Variants in TTLL5 observed in about 807,000 individuals in gnomAD.
TTLL5 encodes the protein tubulin tyrosine ligase like 5, also known as tubulin polyglutamylase TTLL5.
TTLL5 carries 132 observed loss-of-function variants against 168.4 expected under a neutral mutation model. The ratio of observed to expected loss-of-function variants is 0.78; its 90% CI spans 0.68 to 0.91. The LOEUF (loss-of-function observed/expected upper bound fraction) is 0.91, where lower values mean the gene tolerates loss of function less well. Among genes scored for constraint, TTLL5 ranks in the 40% least tolerant of loss-of-function variants. The probability of loss-of-function intolerance (pLI) is 0.00; values close to 1 mark genes in which losing one functional copy is unlikely to be tolerated. For missense variants in TTLL5, 1,545 were observed against 1,581.5 expected (o/e 0.98, Z 0.39); for synonymous variants, 546 against 558.6 (o/e 0.98, Z 0.32).
At chr14:75,915,416 C>T (rs1036874659) in intron 31 of TTLL5, among the ~76,000 whole-genome samples, 2 of 152,186 alleles carry the variant, frequency 1.3e-5, no homozygotes, top group Non-Finnish European at 2.9e-5. Flanking sequence ...CTTCACAGGG[C>T]CATGCAGCAT....
intron 30 of TTLL5, among the ~76,000 whole-genome samples, chr14:75,897,401 G>A (rs1423252339): frequency 6.6e-6 from 1 of 152,168 alleles, no homozygotes; most frequent in Admixed American, 6.5e-5. Context: ...TCTTATTATA[G>A]TTTTTAAGTG....
chr14:75,899,221 A>G (rs1309468361), intron 30 of TTLL5, among the ~76,000 whole-genome samples: 1 of 152,230 alleles, frequency 6.6e-6, no homozygotes, highest in Non-Finnish European at 1.5e-5. Flanking sequence ...GTTAAACCAT[A>G]GTAACTGACT....
chr14:75,873,049 C>A (rs952152714), intron 29 of TTLL5, among the ~76,000 whole-genome samples: 2 of 150,418 alleles, frequency 1.3e-5, no homozygotes, highest in Non-Finnish European at 2.9e-5. Flanking sequence ...TAACTATATG[C>A]ATACTGTACC....
At chr14:75,889,867 G>T (rs1185188877) in intron 30 of TTLL5, among the ~76,000 whole-genome samples, 39 of 145,096 alleles carry the variant, frequency 2.7e-4, no homozygotes, top group Non-Finnish European at 4.5e-4. Context: ...AAGGGAAGAA[G>T]CGAGGGAGGG....
At position 75,927,480 on chromosome 14, in the gene TTLL5, A is replaced by C. The variant is rs184619721; in HGVS notation, c.3823+25256A>C. On this transcript the variant is annotated intron_variant, in intron 31 of 31. Transcript: ENST00000298832. The stretch of plus-strand genomic sequence containing the variant: ...CTGAAAGAATCAATAGTTAATATTT[A>C]GAAAGTAAGAGGAAAAAAAAGCCCT... Among the ~76,000 whole-genome samples the C allele has an allele frequency of 5.6e-4, 85 of 152,362 alleles. 1 individual carries two copies. The highest frequency in any genetic ancestry group is 1.1e-3 in the Non-Finnish European group (78 of 68,040).
At chr14:75,736,007 T>C (rs935074123) in intron 15 of TTLL5, among the ~76,000 whole-genome samples, 43 of 152,260 alleles carry the variant, frequency 2.8e-4, no homozygotes, top group African/African-American at 9.9e-4. Flanking sequence ...CTGGTTTGAT[T>C]GCTTTGCCTG....
intron 7 of TTLL5, among the ~76,000 whole-genome samples, chr14:75,702,734 C>T (rs1886366707): frequency 6.6e-6 from 1 of 152,058 alleles, no homozygotes; most frequent in Admixed American, 6.6e-5. Flanking sequence ...TGGGCTGAAT[C>T]CTTTGAGACC....
chr14:75,732,261 A>T, intron 12 of TTLL5, 77 bp from the exon 13 acceptor site: 1 of 1,291,606 alleles, frequency 7.7e-7, no homozygotes, highest in Non-Finnish European at 1.1e-6. Context: ...GGAGTTAATG[A>T]GATTGAGTCT....
At chr14:75,758,386 G>A (rs1455572896) in intron 18 of TTLL5, among the ~76,000 whole-genome samples, 1 of 152,156 alleles carries the variant, frequency 6.6e-6, no homozygotes, top group African/African-American at 2.4e-5. Flanking sequence ...GATAAATCAA[G>A]TTTGTAGCTT....
intron 12 of TTLL5, among the ~76,000 whole-genome samples, chr14:75,729,685 G>C (rs1021824288): frequency 3.3e-5 from 5 of 152,150 alleles, no homozygotes; most frequent in African/African-American, 9.7e-5. Flanking sequence ...GTCCAAGCCT[G>C]GTATGTGTAC....
intron 12 of TTLL5, among the ~76,000 whole-genome samples, chr14:75,726,288 C>T (rs1888181862): frequency 6.6e-6 from 1 of 152,064 alleles, no homozygotes; most frequent in South Asian, 2.1e-4. Context: ...CTCTTATTTT[C>T]TTTATGATTG....
intron 12 of TTLL5, among the ~76,000 whole-genome samples, chr14:75,728,367 A>C (rs866582046): frequency 0.012 from 1,881 of 151,876 alleles, 25 homozygotes; most frequent in South Asian, 0.025. Flanking sequence ...AGAAAAAAAA[A>C]AAAAAAAGAG....
chr14:75,712,516 A>AG (rs1887156392), intron 9 of TTLL5: 1 of 150,002 alleles, frequency 6.7e-6, no homozygotes, highest in South Asian at 2.2e-4. Context: ...AAAAAAAAAA[A>AG]GAACATGTGG....
At chr14:75,842,430 G>A (rs777000894) in intron 28 of TTLL5, among the ~76,000 whole-genome samples, 12 of 152,196 alleles carry the variant, frequency 7.9e-5, no homozygotes, top group South Asian at 2.1e-4. Flanking sequence ...AGGGTTCTCC[G>A]TGGGCTCTTT....
At position 75,719,717 on chromosome 14, in the gene TTLL5, TTTA is replaced by T. The variant is rs1478882119; in HGVS notation, c.843-14_843-12del. On this transcript the variant is annotated splice_polypyrimidine_tract_variant and intron_variant, in intron 10 of 31. Transcript: ENST00000298832. Reference sequence around the variant, plus strand: ...AGCCTAGTTACATATGTGACTTTGATTTATTAATTTGTTTTAGTTGTGACGATC... The same window carrying T: ...AGCCTAGTTACATATGTGACTTTGATTTAATTTGTTTTAGTTGTGACGATC... 5.7e-6 allele frequency: 9 copies of T among 1,591,430 alleles called. No individual in the cohort carries two copies. The highest frequency in any genetic ancestry group is 2.7e-5 in the African/African-American group (2 of 73,446).
intron 9 of TTLL5, chr14:75,709,359 T>TA: frequency 3.3e-6 from 2 of 597,492 alleles, no homozygotes; most frequent in Non-Finnish European, 6.1e-6. Flanking sequence ...GAGAGCAGAC[T>TA]AACCAAACCT....
intron 28 of TTLL5, among the ~76,000 whole-genome samples, chr14:75,827,202 A>C (rs2140429204): frequency 6.6e-6 from 1 of 152,286 alleles, no homozygotes; most frequent in South Asian, 2.1e-4. Flanking sequence ...ACAAAATTGT[A>C]CTTGCTTGGT....
intron 30 of TTLL5, chr14:75,886,713 T>A: frequency 6.3e-7 from 1 of 1,598,096 alleles, no homozygotes; most frequent in Non-Finnish European, 8.5e-7. Flanking sequence ...CCGCTTCAGA[T>A]CCTCCTTTCA....
chr14:75,840,020 T>C (rs1896135461), intron 28 of TTLL5, among the ~76,000 whole-genome samples: 1 of 152,208 alleles, frequency 6.6e-6, no homozygotes, highest in South Asian at 2.1e-4. Flanking sequence ...GAATACCCTT[T>C]TACCCTGTTG....
Sources: allele counts gnomAD v4.1 joint callset (sites outside exome capture counted in the v4.1 genomes callset), GRCh38; gene constraint gnomAD v4.1.1; transcripts MANE v1.5; gene names NCBI Gene and HGNC (gene_info 2026-07-23, HGNC 2026-07-21).